The following NUDT21 variants were observed in gnomAD, a reference collection of about 807,000 sequenced individuals.
NUDT21 encodes cleavage and polyadenylation specificity factor subunit 5.
NUDT21 carries 5 observed loss-of-function variants against 29.8 expected under a neutral mutation model. The observed-to-expected ratio is 0.17, with a 90% CI of 0.09 to 0.35. The LOEUF (loss-of-function observed/expected upper bound fraction) is 0.35, where lower values mean the gene tolerates loss of function less well. Among genes scored for constraint, NUDT21 ranks in the 10% least tolerant of loss-of-function variants. NUDT21 has a pLI of 1.00. For synonymous variants in NUDT21, 113 were observed against 98.5 expected (o/e 1.15, Z -0.87); for missense variants, 76 against 276.0 (o/e 0.28, Z 5.13).
intron 3 of NUDT21, among the ~76,000 whole-genome samples, chr16:56,440,748 A>AT (rs1166747833): frequency 6.6e-6 from 1 of 151,662 alleles, no homozygotes; most frequent in Non-Finnish European, 1.5e-5. Flanking sequence ...CAAAAAAAAA[A>AT]TTTTTTTTTG....
chr16:56,446,173 T>C (rs984866522), intron 3 of NUDT21, among the ~76,000 whole-genome samples: 9 of 152,214 alleles, frequency 5.9e-5, no homozygotes, highest in Non-Finnish European at 1.2e-4. Context: ...CTAAAAAATA[T>C]GTGAAAAAAG....
chr16:56,440,090 T>C (rs1426206658), intron 3 of NUDT21, among the ~76,000 whole-genome samples: 2 of 152,252 alleles, frequency 1.3e-5, no homozygotes, highest in African/African-American at 4.8e-5. Context: ...GGTGAGAAAC[T>C]GCAGTTCTCT....
rs1962033278 is a variant in NUDT21 at position 56,431,516 on chromosome 16, C to G, written c.*1196G>C. The G allele has an allele frequency of 6.6e-6, 1 of 152,138 alleles. No individual in the cohort carries two copies. Among genetic ancestry groups the G allele is most frequent in the South Asian group, 2.1e-4 (1 of 4,828 alleles). 9.4% of individuals were successfully genotyped at this position (152,138 alleles called of 1,614,324 possible). Reference sequence around the variant, plus strand: ...AGGAAAATAGCCCTGTGACTGGCACCATACTAATCAAAAGTTCATTTCTAT... The same window carrying G: ...AGGAAAATAGCCCTGTGACTGGCACGATACTAATCAAAAGTTCATTTCTAT... On this transcript the variant is annotated 3_prime_UTR_variant, in exon 7 of 7. Coordinates refer to ENST00000300291, the MANE Select transcript of NUDT21 (RefSeq NM_007006.3).
chr16:56,443,605 T>C (rs1351843672), intron 3 of NUDT21, among the ~76,000 whole-genome samples: 3 of 152,216 alleles, frequency 2.0e-5, no homozygotes, highest in East Asian at 1.9e-4. Context: ...TGGAAGGTGT[T>C]TGAGTCATGC....
chr16:56,433,902 G>C (rs1483535451), intron 6 of NUDT21, among the ~76,000 whole-genome samples: 1 of 152,022 alleles, frequency 6.6e-6, no homozygotes, highest in Non-Finnish European at 1.5e-5. Flanking sequence ...GGCCAGACTG[G>C]TCTCGAACTC....
At position 56,446,666 on chromosome 16, in the gene NUDT21, C is replaced by G; in HGVS notation, c.341G>C (p.Gly114Ala). 1 of 1,607,490 alleles carries G rather than the reference C, an allele frequency of 6.2e-7. No homozygotes were observed. The highest frequency in any genetic ancestry group is 8.5e-7 in the Non-Finnish European group (1 of 1,176,378). The change falls in exon 3 of 7, where the codon GGA becomes GCA. Residue 114 changes from glycine (G) to alanine (A), a missense_variant. Physicochemically the swap from Gly to Ala is moderately conservative, Grantham distance 60. Transcript: ENST00000300291. The part of the protein sequence containing the change: ...FKLPGGELNP[G>A]EDEVEGLKRL... ...TTTTAGTCCTTCAACTTCATCTTCT[C>G]CTGGGTTAAGTTCACCACCAGGTCT...
intron 1 of NUDT21, among the ~76,000 whole-genome samples, chr16:56,448,570 T>C (rs1962244621): frequency 6.6e-6 from 1 of 152,248 alleles, no homozygotes; most frequent in Admixed American, 6.5e-5. Context: ...TACTAGCCTT[T>C]GGCATTTATT....
intron 4 of NUDT21, among the ~76,000 whole-genome samples, chr16:56,435,743 T>TTTTATATATATATATA (rs1555514701): frequency 3.7e-4 from 10 of 27,056 alleles, no homozygotes; most frequent in African/African-American, 1.1e-3. Flanking sequence ...AAAAAAAAAA[T>TTTTATATATATATATA]TATATATATA....
chr16:56,447,072 C>T (rs111234556), intron 2 of NUDT21: 6 of 172,014 alleles, frequency 3.5e-5, no homozygotes, highest in African/African-American at 1.2e-4. Context: ...CCTCACCCTC[C>T]CCACCTTTGG....
rs372425975 is a variant in NUDT21, at chr16:56,447,980, A to G, written c.126T>C (p.Leu42=). 6.8e-6 allele frequency: 11 copies of G among 1,613,540 alleles called. No homozygotes were observed. Among genetic ancestry groups the G allele is most frequent in the Non-Finnish European group, 9.3e-6 (11 of 1,179,698 alleles). The change falls in exon 2 of 7, where the codon CTT becomes CTC. Residue 42 remains leucine (L), a synonymous_variant. Transcript: ENST00000300291. Reference sequence around the variant, plus strand: ...CTTTTGTACCAAAAGTATAATTGGTAAGAGGGTACCTGTGATCCGAAGACA... The same window carrying G: ...CTTTTGTACCAAAAGTATAATTGGTGAGAGGGTACCTGTGATCCGAAGACA... ...TLERTINLYP[L]TNYTFGTKEP...
intron 3 of NUDT21, among the ~76,000 whole-genome samples, chr16:56,443,728 C>T (rs564784916): frequency 2.3e-4 from 35 of 152,264 alleles, no homozygotes; most frequent in Admixed American, 1.6e-3. Context: ...TTGCTTCCTC[C>T]CTTGCCATGT....
rs1280106267 is a variant in NUDT21, at chr16:56,429,390, A to G, written c.*3322T>C. Reference sequence around the variant, plus strand: ...CCCTCAACAGAACAGCATAATCAATATATCTTCCCAACTTATCTCTATTTT... The same window carrying G: ...CCCTCAACAGAACAGCATAATCAATGTATCTTCCCAACTTATCTCTATTTT... On this transcript the variant is annotated 3_prime_UTR_variant, in exon 7 of 7. Transcript: ENST00000300291. The G allele has an allele frequency of 1.3e-4, 20 of 152,220 alleles. No homozygotes were observed. Among genetic ancestry groups the G allele is most frequent in the Non-Finnish European group, 2.2e-4 (15 of 68,048 alleles). 9.4% of individuals were successfully genotyped at this position (152,220 alleles called of 1,614,324 possible).
At chr16:56,441,170 A>G (rs189684782) in intron 3 of NUDT21, among the ~76,000 whole-genome samples, 2 of 152,354 alleles carry the variant, frequency 1.3e-5, no homozygotes, top group Admixed American at 6.5e-5. Flanking sequence ...AAGCACTGGG[A>G]TTACAGGTGT....
intron 1 of NUDT21, chr16:56,449,172 G>A (rs1164626563): frequency 6.6e-6 from 1 of 152,166 alleles, no homozygotes; most frequent in Non-Finnish European, 1.5e-5. Flanking sequence ...CTGACAACCT[G>A]AGTTAGAAAG....
At chr16:56,446,965 G>A (rs1962226996) in intron 2 of NUDT21, 1 of 284,468 alleles carries the variant, frequency 3.5e-6, no homozygotes, top group Non-Finnish European at 6.5e-6. Flanking sequence ...TGTTACATAG[G>A]TATATTGTGT....
At chr16:56,436,937 T>C (rs1278409437) in intron 4 of NUDT21, among the ~76,000 whole-genome samples, 2 of 152,152 alleles carry the variant, frequency 1.3e-5, no homozygotes, top group Non-Finnish European at 2.9e-5. Context: ...AGTGAAGATA[T>C]TCAGAAAAGT....
chr16:56,441,142 T>G (rs1489341675), intron 3 of NUDT21, among the ~76,000 whole-genome samples: 2 of 152,248 alleles, frequency 1.3e-5, no homozygotes, highest in East Asian at 3.9e-4. Flanking sequence ...CAAGCAATCT[T>G]CCGGCCTCAG....
At chr16:56,446,551 A>G (rs751508828) in intron 3 of NUDT21, 75 bp downstream of exon 3, 1 of 769,694 alleles carries the variant, frequency 1.3e-6, no homozygotes, top group Non-Finnish European at 2.2e-6. Context: ...CAAAATAAGC[A>G]TCCTTTTTAC....
rs1962005921 is a variant in NUDT21 at position 56,429,322 on chromosome 16, A to T, written c.*3390T>A. ...AATGATGCTTGAATACTATGATGTG[A>T]ACACAATAACCAAAAGTTTAAATTT... On this transcript the variant is annotated 3_prime_UTR_variant, in exon 7 of 7. Coordinates refer to ENST00000300291, the MANE Select transcript of NUDT21 (RefSeq NM_007006.3). 2 of 152,232 alleles carry T rather than the reference A, an allele frequency of 1.3e-5. No homozygotes were observed. The highest frequency in any genetic ancestry group is 4.8e-5 in the African/African-American group (2 of 41,450). 9.4% of individuals were successfully genotyped at this position (152,232 alleles called of 1,614,324 possible). A position where few individuals can be genotyped will look rare whatever the true frequency, so the allele number is the denominator to read the frequency against.
Sources: allele counts gnomAD v4.1 joint callset (sites outside exome capture counted in the v4.1 genomes callset), GRCh38; gene constraint gnomAD v4.1.1; transcripts MANE v1.5; gene names NCBI Gene and HGNC (gene_info 2026-07-23, HGNC 2026-07-21).